The following MDGA2 variants were observed in gnomAD, a reference collection of about 807,000 sequenced individuals.
MDGA2 encodes the protein MAM domain containing glycosylphosphatidylinositol anchor 2, also known as MAM domain-containing glycosylphosphatidylinositol anchor protein 2.
Under a neutral mutation model 117.8 loss-of-function variants are expected in MDGA2, and 40 were observed. The observed-to-expected ratio is 0.34, with a 90% CI of 0.26 to 0.44. The LOEUF (loss-of-function observed/expected upper bound fraction) is 0.44, where lower values mean the gene tolerates loss of function less well. Ranked by LOEUF, MDGA2 falls within the 20% of genes least tolerant of loss-of-function variation. The pLI, the probability that MDGA2 is intolerant of heterozygous loss-of-function variation, is 1.00. For missense variants in MDGA2, 1,123 were observed against 1,250.6 expected (o/e 0.90, Z 1.54); for synonymous variants, 452 against 439.0 (o/e 1.03, Z -0.37).
At chr14:46,969,448 G>T (rs111997467) in intron 8 of MDGA2, among the ~76,000 whole-genome samples, 5 of 152,060 alleles carry the variant, frequency 3.3e-5, no homozygotes, top group African/African-American at 1.2e-4. Context: ...CATGCTAACT[G>T]GTGTGAGATG....
At chr14:47,197,989 G>A (rs1885349719) in intron 3 of MDGA2, among the ~76,000 whole-genome samples, 1 of 152,144 alleles carries the variant, frequency 6.6e-6, no homozygotes, top group Non-Finnish European at 1.5e-5. Context: ...TTCAGTCCTT[G>A]ATTTCCTGCA....
At chr14:47,071,278 G>A (rs17649495) in intron 6 of MDGA2, among the ~76,000 whole-genome samples, 8,232 of 152,244 alleles carry the variant, frequency 0.054, 306 homozygotes, top group Middle Eastern at 0.092. Flanking sequence ...CTTCTCCAAT[G>A]TGGTAAGCTC....
intron 1 of MDGA2, among the ~76,000 whole-genome samples, chr14:47,364,359 G>C (rs1003073971): frequency 6.6e-6 from 1 of 152,192 alleles, no homozygotes; most frequent in African/African-American, 2.4e-5. Flanking sequence ...CTGCCTCCCG[G>C]GTTCACGTCA....
Position 47,129,185 on chromosome 14 carries a change from A to G in MDGA2, c.925+2529T>C, listed in dbSNP as rs963875383. Among the ~76,000 whole-genome samples, 6 of 151,602 alleles carry G rather than the reference A, an allele frequency of 4.0e-5. No individual in the cohort carries two copies. In the East Asian group the frequency reaches 5.8e-4, roughly 15 times the overall value. ...ATGTATACATGTGCCATGCTGGTGC[A>G]CTGCACCCACTAACTCGTCATCTAG... is the stretch of plus-strand genomic sequence containing the variant. On this transcript the variant is annotated intron_variant, in intron 5 of 16. Coordinates refer to ENST00000399232, the MANE Select transcript of MDGA2 (RefSeq NM_001113498.3).
At position 47,591,988 on chromosome 14, in the gene MDGA2, G is replaced by A. The variant is rs111670941; in HGVS notation, c.280+82529C>T. On this transcript the variant is annotated intron_variant, in intron 1 of 16. Transcript: ENST00000399232. ...TCAAATAGAAAGAGAAAGTTGAAGT[G>A]TGCCCATAATCCTAGTCCAAAAGCT... Among the ~76,000 whole-genome samples, 656 of 149,938 alleles carry A rather than the reference G, an allele frequency of 4.4e-3. 3 individuals carry two copies. The highest frequency in any genetic ancestry group is 7.3e-3 in the Non-Finnish European group (489 of 66,538).
At chr14:47,096,023 C>G (rs1445114070) in intron 6 of MDGA2, among the ~76,000 whole-genome samples, 1 of 151,978 alleles carries the variant, frequency 6.6e-6, no homozygotes, top group Non-Finnish European at 1.5e-5. Context: ...CTTTGTACAT[C>G]TGCCTCAGAA....
At chr14:47,343,049 G>C in intron 1 of MDGA2, 1 of 1,285,904 alleles carries the variant, frequency 7.8e-7, no homozygotes, top group Non-Finnish European at 1.0e-6. Flanking sequence ...ACTACCGTGA[G>C]TCCTGCGGCA....
rs565282840 is a variant in MDGA2, at chr14:46,988,850, C to T, written c.1820-31207G>A. 2.4e-4 allele frequency among the ~76,000 whole-genome samples: 36 copies of T among 151,940 alleles called. 1 individual carries two copies. The highest frequency in any genetic ancestry group is 6.8e-4 in the African/African-American group (28 of 41,370). ...ATTTTCAACTGTTTCTCCACCATGA[C>T]GCTTGGAAAATAGTAGCATGCGCAA... On this transcript the variant is annotated intron_variant, in intron 8 of 16. Transcript: ENST00000399232.
intron 1 of MDGA2, among the ~76,000 whole-genome samples, chr14:47,516,440 G>A (rs575582152): frequency 6.6e-6 from 1 of 152,112 alleles, no homozygotes; most frequent in South Asian, 2.1e-4. Context: ...TAGATTCAAA[G>A]GGACACATGT....
At chr14:46,928,208 TC>T (rs1446934056) in intron 9 of MDGA2, among the ~76,000 whole-genome samples, 1 of 152,082 alleles carries the variant, frequency 6.6e-6, no homozygotes, top group Non-Finnish European at 1.5e-5. Context: ...TTTATGAAAA[TC>T]AATTTTAGCA....
At chr14:47,104,185 C>T (rs72678490) in intron 5 of MDGA2, among the ~76,000 whole-genome samples, 16,987 of 152,200 alleles carry the variant, frequency 0.11, 1,088 homozygotes, top group Admixed American at 0.11. Flanking sequence ...TAGTAAGTGA[C>T]ACTTATGCTT....
chr14:47,288,667 G>T (rs1888772179), intron 2 of MDGA2, among the ~76,000 whole-genome samples: 2 of 152,182 alleles, frequency 1.3e-5, no homozygotes, highest in South Asian at 4.1e-4. Flanking sequence ...GATGGAAAAG[G>T]ATAAAACTGC....
intron 3 of MDGA2, among the ~76,000 whole-genome samples, chr14:47,213,156 T>C (rs2139488825): frequency 6.6e-6 from 1 of 152,218 alleles, no homozygotes; most frequent in African/African-American, 2.4e-5. Context: ...ATCTTATAGG[T>C]CTAAAAATGT....
intron 3 of MDGA2, among the ~76,000 whole-genome samples, chr14:47,209,298 G>A (rs1885799381): frequency 6.6e-6 from 1 of 152,162 alleles, no homozygotes; most frequent in African/African-American, 2.4e-5. Context: ...TAGGTCATCA[G>A]TTAACATTGC....
chr14:47,052,927 T>C (rs1470797055), intron 7 of MDGA2, among the ~76,000 whole-genome samples: 1 of 151,884 alleles, frequency 6.6e-6, no homozygotes. Flanking sequence ...TCTGTCGGTC[T>C]CTGTCACACT....
chr14:47,047,832 C>A (rs1889318084), intron 7 of MDGA2, among the ~76,000 whole-genome samples: 1 of 151,502 alleles, frequency 6.6e-6, no homozygotes, highest in African/African-American at 2.4e-5. Flanking sequence ...TATATTTATA[C>A]CTATATAAAT....
At chr14:47,130,719 T>C (rs1016828604) in intron 5 of MDGA2, among the ~76,000 whole-genome samples, 1 of 152,106 alleles carries the variant, frequency 6.6e-6, no homozygotes, top group Non-Finnish European at 1.5e-5. Flanking sequence ...TTCATGAGTT[T>C]ATGAGGAAAT....
intron 1 of MDGA2, among the ~76,000 whole-genome samples, chr14:47,656,344 C>G (rs1440333495): frequency 6.6e-6 from 1 of 152,192 alleles, no homozygotes; most frequent in African/African-American, 2.4e-5. Context: ...GCAGTCCTGT[C>G]TAACCACCAA....
chr14:47,372,236 G>T (rs138820783), intron 1 of MDGA2, among the ~76,000 whole-genome samples: 269 of 151,392 alleles, frequency 1.8e-3, no homozygotes, highest in Non-Finnish European at 3.4e-3. Context: ...GGGGAAAAAA[G>T]AATAGATATA....
Sources: allele counts gnomAD v4.1 joint callset (sites outside exome capture counted in the v4.1 genomes callset), GRCh38; gene constraint gnomAD v4.1.1; transcripts MANE v1.5; gene names NCBI Gene and HGNC (gene_info 2026-07-23, HGNC 2026-07-21).